Variants in RAB5A observed in about 807,000 individuals in gnomAD.
RAB5A encodes RAB5A, member RAS oncogene family, also known as ras-related protein Rab-5A.
RAB5A carries 8 observed loss-of-function variants against 25.7 expected under a neutral mutation model. The observed-to-expected ratio is 0.31, with a 90% CI of 0.18 to 0.56. The LOEUF is 0.56. Among genes scored for constraint, RAB5A ranks in the 20% least tolerant of loss-of-function variants. The probability of loss-of-function intolerance (pLI) is 0.91; values close to 1 mark genes in which losing one functional copy is unlikely to be tolerated. For synonymous variants in RAB5A, 98 were observed against 89.8 expected (o/e 1.09, Z -0.52); for missense variants, 192 against 259.7 (o/e 0.74, Z 1.79).
chr3:19,969,519 T>G (rs915189109), intron 2 of RAB5A, among the ~76,000 whole-genome samples: 1 of 152,218 alleles, frequency 6.6e-6, no homozygotes, highest in African/African-American at 2.4e-5. Flanking sequence ...ACATTGAAAA[T>G]ACTAATCACT....
chr3:19,949,230 G>A (rs934717169), intron 1 of RAB5A, among the ~76,000 whole-genome samples: 1 of 152,174 alleles, frequency 6.6e-6, no homozygotes, highest in Non-Finnish European at 1.5e-5. Flanking sequence ...ATTTCAGTAT[G>A]TAATGGTAAA....
intron 1 of RAB5A, among the ~76,000 whole-genome samples, chr3:19,950,443 C>T (rs1215783173): frequency 1.3e-4 from 20 of 152,182 alleles, no homozygotes. Context: ...TGAAACTCGG[C>T]TCTGTCACTT....
chr3:19,972,926 T>C (rs1246486003), intron 2 of RAB5A, among the ~76,000 whole-genome samples: 1 of 152,188 alleles, frequency 6.6e-6, no homozygotes, highest in East Asian at 1.9e-4. Context: ...TCCACATTTA[T>C]AAATGCAACC....
intron 2 of RAB5A, among the ~76,000 whole-genome samples, chr3:19,956,973 G>T: frequency 7.1e-6 from 1 of 140,964 alleles, no homozygotes; most frequent in Admixed American, 7.4e-5. Flanking sequence ...TAAACAGCCT[G>T]CTCTGTTGCC....
chr3:19,976,013 G>A, intron 3 of RAB5A, 34 bp from the exon 4 acceptor site: 1 of 1,591,106 alleles, frequency 6.3e-7, no homozygotes, highest in Non-Finnish European at 8.5e-7. Flanking sequence ...CATTTTTTGA[G>A]CCTGTGCTCA....
In RAB5A at chr3:19,981,916, G is replaced by A. The variant is rs79527339; in HGVS notation, c.533-1792G>A. Among the ~76,000 whole-genome samples the A allele has an allele frequency of 2.2e-3, 342 of 152,222 alleles. 1 individual carries two copies. The highest frequency in any genetic ancestry group is 7.7e-3 in the African/African-American group (321 of 41,542). On this transcript the variant is annotated intron_variant, in intron 5 of 5. Coordinates refer to ENST00000273047, the MANE Select transcript of RAB5A (RefSeq NM_004162.5). ...TCTATCTGGATTAGGTACAGCTACT[G>A]GTCAGTCAGATTAGGATTCATCAGC...
intron 2 of RAB5A, chr3:19,970,494 G>GC (rs1454744469): frequency 4.4e-6 from 2 of 455,966 alleles, no homozygotes; most frequent in Admixed American, 4.7e-5. Context: ...AGACAGGCCA[G>GC]CACCCACATC....
At chr3:19,977,307 CTTGTG>C (rs1329187568) in intron 4 of RAB5A, among the ~76,000 whole-genome samples, 1 of 152,116 alleles carries the variant, frequency 6.6e-6, no homozygotes, top group Non-Finnish European at 1.5e-5. Context: ...ATCTCCTGAC[CTTGTG>C]ATCCACCCGC....
chr3:19,975,073 A>G (rs1212154773), intron 2 of RAB5A, among the ~76,000 whole-genome samples: 1 of 152,170 alleles, frequency 6.6e-6, no homozygotes, highest in Non-Finnish European at 1.5e-5. Flanking sequence ...TAAAACTACA[A>G]AAATTAGCCA....
chr3:19,976,277 A>G lies in RAB5A; in HGVS notation c.438+108A>G, dbSNP rs1369971876. The G allele has an allele frequency of 6.4e-6, 8 of 1,246,550 alleles. No homozygotes were observed. In the African/African-American group the frequency reaches 7.7e-5, roughly 12 times the overall value. 77.2% of individuals were successfully genotyped at this position (1,246,550 alleles called of 1,614,324 possible). A position where few individuals can be genotyped will look rare whatever the true frequency, so the allele number is the denominator to read the frequency against. On this transcript the variant is annotated intron_variant, in intron 4 of 5. Transcript: ENST00000273047. ...TGTCAAAACCATGCAAGTAATAGAA[A>G]ATACTGATTTTTAAAACAAATATAA... is the stretch of plus-strand genomic sequence containing the variant.
chr3:19,961,840 A>G (rs780137172), intron 2 of RAB5A, among the ~76,000 whole-genome samples: 1 of 152,230 alleles, frequency 6.6e-6, no homozygotes, highest in Non-Finnish European at 1.5e-5. Flanking sequence ...AATTTGAAAT[A>G]TGTCAGATGT....
intron 3 of RAB5A, 129 bp from the exon 4 acceptor site, chr3:19,975,918 A>G: frequency 2.2e-6 from 3 of 1,373,318 alleles, no homozygotes; most frequent in East Asian, 2.4e-5. Flanking sequence ...AAAATGTCTC[A>G]TAATACAATA....
intron 5 of RAB5A, among the ~76,000 whole-genome samples, chr3:19,979,344 G>C (rs1696878545): frequency 6.7e-6 from 1 of 150,308 alleles, no homozygotes; most frequent in Admixed American, 6.7e-5. Context: ...AGTGCAGTGG[G>C]ACGATCTCGG....
intron 2 of RAB5A, among the ~76,000 whole-genome samples, chr3:19,966,751 T>C (rs1320088709): frequency 1.3e-5 from 2 of 152,232 alleles, no homozygotes; most frequent in Non-Finnish European, 2.9e-5. Context: ...TGCATATCCC[T>C]AATGATTGGT....
rs1696981798 is a variant in RAB5A at position 19,983,908 on chromosome 3, T to C, written c.*85T>C. The C allele has an allele frequency of 6.1e-5, 54 of 884,768 alleles. No individual in the cohort carries two copies. The South Asian group carries it at 8.4e-4, about 14-fold the overall frequency. The allele number at this position is 884,768 out of a possible 1,614,324, so 54.8% of individuals were successfully genotyped here. A position where few individuals can be genotyped will look rare whatever the true frequency, so the allele number is the denominator to read the frequency against. ...ATTGGAGCATTTAACCAGCCCAGTA[T>C]GACTTCCAAAAGAAGAGACTTATGA... On this transcript the variant is annotated 3_prime_UTR_variant, in exon 6 of 6. Transcript: ENST00000273047.
At chr3:19,974,751 G>T (rs970071052) in intron 2 of RAB5A, among the ~76,000 whole-genome samples, 6 of 122,596 alleles carry the variant, frequency 4.9e-5, no homozygotes, top group Admixed American at 1.6e-4. Flanking sequence ...AATATAACAA[G>T]AAATACTAAT....
chr3:19,952,246 T>C (rs1696435164), intron 2 of RAB5A, among the ~76,000 whole-genome samples: 1 of 152,242 alleles, frequency 6.6e-6, no homozygotes, highest in Admixed American at 6.5e-5. Flanking sequence ...TAGCCTCTTT[T>C]GGGCCTCTGT....
At chr3:19,949,346 C>T (rs1343944482) in intron 1 of RAB5A, among the ~76,000 whole-genome samples, 3 of 152,070 alleles carry the variant, frequency 2.0e-5, no homozygotes, top group South Asian at 4.2e-4. Flanking sequence ...TTATGAAGAG[C>T]GTATTATAAG....
chr3:19,948,813 A>G (rs891139102), intron 1 of RAB5A, among the ~76,000 whole-genome samples: 2 of 152,038 alleles, frequency 1.3e-5, no homozygotes, highest in African/African-American at 4.8e-5. Context: ...TTTGGAGCAT[A>G]TTGTCCTTGA....
Sources: gnomAD v4.1 joint callset for allele counts (sites outside exome capture counted in the v4.1 genomes callset) on GRCh38, gnomAD v4.1.1 for gene constraint, MANE v1.5 for transcripts, NCBI Gene and HGNC (gene_info 2026-07-23, HGNC 2026-07-21) for gene names.